Variants in CIMAP1B observed in about 807,000 individuals in gnomAD.
The protein encoded by CIMAP1B is orf2 5' to PD-ECGF/TP.
chr22:50,531,904 G>A, the CIMAP1B span: 2 of 1,315,512 alleles, frequency 1.5e-6, no homozygotes, highest in African/African-American at 1.5e-5. Flanking sequence ...GGCCTCCCTG[G>A]TCTCTTCCCC....
chr22:50,530,662 GC>G, the CIMAP1B span: 8 of 1,597,904 alleles, frequency 5.0e-6, no homozygotes, highest in African/African-American at 1.3e-5. Flanking sequence ...CCGACCTCAG[GC>G]CCTCCCCACT....
At chr22:50,531,670 C>A in the CIMAP1B span, 2 of 1,369,328 alleles carry the variant, frequency 1.5e-6, no homozygotes, top group Non-Finnish European at 9.4e-7. Context: ...GAGCGGGCAC[C>A]AGGTGGCCTG....
the CIMAP1B span, chr22:50,531,621 A>T: frequency 7.2e-7 from 1 of 1,395,676 alleles, no homozygotes; most frequent in Non-Finnish European, 9.3e-7. Flanking sequence ...CCGTAGATGG[A>T]GTAGGCGGGG....
the CIMAP1B span, chr22:50,530,517 T>A: frequency 6.2e-7 from 1 of 1,601,248 alleles, no homozygotes; most frequent in Non-Finnish European, 8.5e-7. Context: ...GGCCAGGTAG[T>A]CCGAGTGCCG....
At chr22:50,531,999 C>T in the CIMAP1B span, 2 of 1,358,788 alleles carry the variant, frequency 1.5e-6, no homozygotes, top group Non-Finnish European at 1.9e-6. Flanking sequence ...TATTTGGGCC[C>T]GGGGCCTCCG....
the CIMAP1B span, chr22:50,531,577 C>A: frequency 7.1e-7 from 1 of 1,415,066 alleles, no homozygotes; most frequent in East Asian, 2.8e-5. Flanking sequence ...GACCAGGTCC[C>A]GGAGTGAGGA....
chr22:50,531,287 A>G, the CIMAP1B span: 1 of 1,608,284 alleles, frequency 6.2e-7, no homozygotes, highest in South Asian at 1.1e-5. Flanking sequence ...CGCTCCGGGA[A>G]GTACCTGCCT....
At chr22:50,530,726 A>G in the CIMAP1B span, 1 of 1,612,004 alleles carries the variant, frequency 6.2e-7, no homozygotes, top group Non-Finnish European at 8.5e-7. Flanking sequence ...TCCACGTTGT[A>G]GGCCGCGGGC....
At chr22:50,531,032 G>A in the CIMAP1B span, 5 of 1,610,496 alleles carry the variant, frequency 3.1e-6, no homozygotes, top group Non-Finnish European at 4.2e-6. Flanking sequence ...GGACCCAAGA[G>A]CGAGGGCACC....
the CIMAP1B span, chr22:50,531,362 G>T: frequency 3.8e-6 from 5 of 1,332,106 alleles, no homozygotes; most frequent in East Asian, 7.1e-5. Flanking sequence ...CCCGAGATGG[G>T]GTCCTGGGAC....
At chr22:50,531,575 C>A in the CIMAP1B span, 2 of 1,421,248 alleles carry the variant, frequency 1.4e-6, no homozygotes, top group East Asian at 2.7e-5. Flanking sequence ...CTGACCAGGT[C>A]CCGGAGTGAG....
chr22:50,530,551 G>T, the CIMAP1B span: 145 of 1,592,192 alleles, frequency 9.1e-5, 3 homozygotes, highest in Admixed American at 2.3e-3. Flanking sequence ...CAGCCGCGGG[G>T]CTTCCGGTGC....
chr22:50,530,786 T>C, the CIMAP1B span: 7 of 1,606,896 alleles, frequency 4.4e-6, no homozygotes, highest in Non-Finnish European at 5.9e-6. Flanking sequence ...GCCAGAATCG[T>C]GAACTGGGGG....
chr22:50,532,016 G>A, the CIMAP1B span: 4 of 1,358,654 alleles, frequency 2.9e-6, no homozygotes, highest in East Asian at 6.1e-5. Flanking sequence ...TCCGTAGTGC[G>A]CCGCGATGGG....
At chr22:50,530,750 T>C in the CIMAP1B span, 3 of 1,607,774 alleles carry the variant, frequency 1.9e-6, no homozygotes, top group Non-Finnish European at 2.5e-6. Flanking sequence ...GGCTTCCGAG[T>C]GTTGTCTTGG....
chr22:50,532,253 TCC>T, the CIMAP1B span: 1 of 863,642 alleles, frequency 1.2e-6, no homozygotes, highest in Non-Finnish European at 1.5e-6. Context: ...CGAGCTTCCT[TCC>T]CGGCTGTGTG....
chr22:50,530,453 C>G, the CIMAP1B span: 3 of 1,572,360 alleles, frequency 1.9e-6, no homozygotes, highest in Non-Finnish European at 2.6e-6. Flanking sequence ...TAAGCAAACA[C>G]GTGTGGGGCC....
the CIMAP1B span, chr22:50,531,447 G>A: frequency 1.8e-5 from 19 of 1,071,570 alleles, no homozygotes; most frequent in Admixed American, 1.2e-4. Flanking sequence ...CCGGATATGG[G>A]GGTACCGAAT....
the CIMAP1B span, chr22:50,532,259 C>T: frequency 1.2e-6 from 1 of 848,796 alleles, no homozygotes; most frequent in Non-Finnish European, 1.6e-6. Context: ...TCCTTCCCGG[C>T]TGTGTGGAGC....
Sources: allele counts gnomAD v4.1 joint callset, GRCh38; gene constraint gnomAD v4.1.1; transcripts MANE v1.5; gene names NCBI Gene and HGNC (gene_info 2026-07-23, HGNC 2026-07-21).